Variants in ALG11 observed in about 807,000 individuals in gnomAD.
ALG11 encodes ALG11 alpha-1,2-mannosyltransferase, also known as GDP-Man:Man(3)GlcNAc(2)-PP-Dol alpha-1,2-mannosyltransferase.
Under a neutral mutation model 38.8 loss-of-function variants are expected in ALG11, and 26 were observed. The observed-to-expected ratio is 0.67, with a 90% confidence interval of 0.49 to 0.93. The LOEUF is 0.93. Ranked by LOEUF, ALG11 falls within the 40% of genes least tolerant of loss-of-function variation. The pLI, the probability that ALG11 is intolerant of heterozygous loss-of-function variation, is 0.00. For missense variants in ALG11, 535 were observed against 578.8 expected (o/e 0.92, Z 0.78); for synonymous variants, 199 against 211.6 (o/e 0.94, Z 0.52).
chr13:52,018,675 A>T (rs939450005), intron 1 of ALG11, among the ~76,000 whole-genome samples: 15 of 152,240 alleles, frequency 9.9e-5, no homozygotes, highest in African/African-American at 3.6e-4. Flanking sequence ...TGCTGATTAA[A>T]GTATGTTCAA....
rs746602020 is a variant in ALG11 at position 52,029,019 on chromosome 13, A to C, written c.*429A>C. ...TCTGAGGCTAGTCTGAAAGTGTCAG[A>C]GTTCAGTGTCAGTTCTGAAGGATCA... On this transcript the variant is annotated 3_prime_UTR_variant, in exon 4 of 4. Coordinates refer to ENST00000521508, the MANE Select transcript of ALG11 (RefSeq NM_001004127.3). 1 of 1,614,266 alleles carries C rather than the reference A, an allele frequency of 6.2e-7. No homozygotes were observed. The highest frequency in any genetic ancestry group is 8.5e-7 in the Non-Finnish European group (1 of 1,180,050).
chr13:52,016,810 G>A (rs568089391), intron 1 of ALG11: 1 of 152,380 alleles, frequency 6.6e-6, no homozygotes, highest in African/African-American at 2.4e-5. Context: ...GAAATGTGGG[G>A]TTGGAGCCCC....
chr13:52,029,382 A>G lies in ALG11; in HGVS notation c.*792A>G, dbSNP rs765920315. On this transcript the variant is annotated 3_prime_UTR_variant, in exon 4 of 4. Coordinates refer to ENST00000521508, the MANE Select transcript of ALG11 (RefSeq NM_001004127.3). ...CAGGAAATTTTTAACCTCCTCCATA[A>G]GAACAAGCAGCCAGTGACAGATCCT... 3.1e-6 allele frequency: 5 copies of G among 1,614,038 alleles called. No individual in the cohort carries two copies. In the Admixed American group the frequency reaches 5.0e-5, roughly 16 times the overall value.
At chr13:52,026,426 C>A (rs188284485) in intron 3 of ALG11, among the ~76,000 whole-genome samples, 1 of 152,306 alleles carries the variant, frequency 6.6e-6, no homozygotes, top group Admixed American at 6.5e-5. Context: ...CCAGTCCATT[C>A]TGGCCACATG....
chr13:52,028,175 A>G (rs1954259872), intron 3 of ALG11, 144 bp from the exon 4 acceptor site: 2 of 900,778 alleles, frequency 2.2e-6, no homozygotes, highest in Non-Finnish European at 1.7e-6. Flanking sequence ...GTACTGTAGA[A>G]GTTGAATAAG....
chr13:52,028,336 G>T lies in ALG11; in HGVS notation c.1225G>T (p.Ala409Ser), dbSNP rs1190912997. 6.2e-7 allele frequency: 1 copy of T among 1,613,988 alleles called. No homozygotes were observed. The highest frequency in any genetic ancestry group is 8.5e-7 in the Non-Finnish European group (1 of 1,180,026). The change falls in exon 4 of 4, where the codon GCA becomes TCA. Residue 409 changes from alanine (A) to serine (S), a missense_variant. Transcript: ENST00000521508. ...TTTCTCAGGAGTTGTGGAGTGTATG[G>T]CAGCTGGCACAATTATCCTTGCACA... ...HFGIGVVECM[A>S]AGTIILAHNS...
intron 3 of ALG11, among the ~76,000 whole-genome samples, chr13:52,026,025 G>C (rs1342462066): frequency 6.6e-6 from 1 of 152,220 alleles, no homozygotes; most frequent in Non-Finnish European, 1.5e-5. Flanking sequence ...GGAGCTGCTT[G>C]GCCTGTCAGA....
Position 52,024,274 on chromosome 13 carries a change from C to T in ALG11, c.544C>T (p.Leu182Phe). ...YIDSMGYAFTLPLFKYIGGCQ... is the reference protein window; with the variant it reads ...YIDSMGYAFTFPLFKYIGGCQ... The stretch of plus-strand genomic sequence containing the variant: ...TGATTCAATGGGATACGCTTTTACG[C>T]TTCCTCTGTTTAAGTATATAGGGGG... Residue 182 changes from leucine (L) to phenylalanine (F), a missense_variant, in exon 3 of 4, where the codon CTT becomes TTT. Transcript: ENST00000521508. 6.2e-7 allele frequency: 1 copy of T among 1,614,138 alleles called. No individual in the cohort carries two copies. Among genetic ancestry groups the T allele is most frequent in the Non-Finnish European group, 8.5e-7 (1 of 1,180,036 alleles).
intron 2 of ALG11, chr13:52,022,375 AAAAG>A (rs1289347801): frequency 2.0e-5 from 3 of 152,238 alleles, no homozygotes; most frequent in Non-Finnish European, 4.4e-5. Flanking sequence ...CTGTCTTAAA[AAAAG>A]AAAGAAAAAA....
Position 52,024,359 on chromosome 13 carries a change from T to G in ALG11, c.629T>G (p.Val210Gly). 6.2e-7 allele frequency: 1 copy of G among 1,614,152 alleles called. No homozygotes were observed. Among genetic ancestry groups the G allele is most frequent in the Non-Finnish European group, 8.5e-7 (1 of 1,179,984 alleles). Residue 210 changes from valine to glycine, a missense_variant, in exon 3 of 4, where the codon GTG (valine) becomes GGG (glycine). By Grantham distance (109) the Val-to-Gly change is moderately radical. Coordinates refer to ENST00000521508, the MANE Select transcript of ALG11 (RefSeq NM_001004127.3). Reference sequence around the variant, plus strand: ...ATCAGCACCGACATGCTCTCTGTAGTGAAGAATCAAAATATTGGATTTAAT... The same window carrying G: ...ATCAGCACCGACATGCTCTCTGTAGGGAAGAATCAAAATATTGGATTTAAT... ...PTISTDMLSV[V>G]KNQNIGFNNA... is the part of the protein sequence containing the mutation.
Position 52,024,602 on chromosome 13 carries a change from C to A in ALG11, c.872C>A (p.Pro291His). Residue 291 changes from proline (P) to histidine (H), a missense_variant, in exon 3 of 4, where the codon CCC (proline) becomes CAC (histidine). Coordinates refer to ENST00000521508, the MANE Select transcript of ALG11 (RefSeq NM_001004127.3). Reference protein sequence around the residue: ...PCDVQTFLDIPLHEKKMTPGH... With the variant: ...PCDVQTFLDIHLHEKKMTPGH... ...GATGTGCAGACATTTCTGGACATTC[C>A]CTTACATGAGAAAAAGATGACCCCA... The A allele has an allele frequency of 6.2e-7, 1 of 1,613,874 alleles. No homozygotes were observed. Among genetic ancestry groups the A allele is most frequent in the Non-Finnish European group, 8.5e-7 (1 of 1,179,858 alleles).
chr13:52,022,434 CT>C (rs1228731266), intron 2 of ALG11: 1 of 152,190 alleles, frequency 6.6e-6, no homozygotes, highest in Non-Finnish European at 1.5e-5. Flanking sequence ...AGATCACAAT[CT>C]TTTTTCACAT....
rs1444571733 is a variant in ALG11, at chr13:52,032,420, G to A, written c.*3830G>A. On this transcript the variant is annotated 3_prime_UTR_variant, in exon 4 of 4. Coordinates refer to ENST00000521508, the MANE Select transcript of ALG11 (RefSeq NM_001004127.3). ...CTAGCATGGAAAAGTGAATATATGT[G>A]TGAGCAGATATGGCTATAAAGACCT... 6.0e-6 allele frequency: 1 copy of A among 167,050 alleles called. No homozygotes were observed. The highest frequency in any genetic ancestry group is 1.5e-5 in the Non-Finnish European group (1 of 68,126). The allele number at this position is 167,050 out of a possible 1,614,324, so 10.3% of individuals were successfully genotyped here. A position where few individuals can be genotyped will look rare whatever the true frequency, so the allele number is the denominator to read the frequency against.
At position 52,028,334 on chromosome 13, in the gene ALG11, T is replaced by C; in HGVS notation, c.1223T>C (p.Met408Thr). The change falls in exon 4 of 4, where the codon ATG (methionine) becomes ACG (threonine). Residue 408 changes from methionine to threonine, a missense_variant. Physicochemically the swap from Met to Thr is moderately conservative, Grantham distance 81 (BLOSUM62 -1). Coordinates refer to ENST00000521508, the MANE Select transcript of ALG11 (RefSeq NM_001004127.3). Reference protein sequence around the residue: ...EHFGIGVVECMAAGTIILAHN... With the variant: ...EHFGIGVVECTAAGTIILAHN... ...TTTTTCTCAGGAGTTGTGGAGTGTA[T>C]GGCAGCTGGCACAATTATCCTTGCA... 6.2e-7 allele frequency: 1 copy of C among 1,614,178 alleles called. No homozygotes were observed. Among genetic ancestry groups the C allele is most frequent in the Non-Finnish European group, 8.5e-7 (1 of 1,180,028 alleles).
Position 52,029,800 on chromosome 13 carries a change from GAC to G in ALG11, c.*1214_*1215del, listed in dbSNP as rs1481616329. 3 of 1,614,096 alleles carry G rather than the reference GAC, an allele frequency of 1.9e-6. No individual in the cohort carries two copies. Among genetic ancestry groups the G allele is most frequent in the Non-Finnish European group, 2.5e-6 (3 of 1,180,052 alleles). ...AACAGTTGGCCAAGAACAAAGAACT[GAC>G]ACAGAAACTCCAGGTAGCCTCTGAG... On this transcript the variant is annotated 3_prime_UTR_variant, in exon 4 of 4. Transcript: ENST00000521508.
chr13:52,012,540 T>G (rs953887553), intron 1 of ALG11, 78 bp downstream of exon 1: 11 of 1,597,058 alleles, frequency 6.9e-6, no homozygotes, highest in East Asian at 2.2e-5. Context: ...AGCTAAATTT[T>G]GCGGGCAAAT....
intron 1 of ALG11, among the ~76,000 whole-genome samples, chr13:52,013,546 T>G (rs1189117157): frequency 6.6e-6 from 1 of 152,220 alleles, no homozygotes; most frequent in Non-Finnish European, 1.5e-5. Flanking sequence ...TTAAGTTAAA[T>G]GTTTAATAGT....
rs530692596 is a variant in ALG11 at position 52,032,382 on chromosome 13, C to G, written c.*3792C>G. ...AATTGGTATAAATTTAATGCACCTT[C>G]TATCCTGAATAACTAGCATGGAAAA... On this transcript the variant is annotated 3_prime_UTR_variant, in exon 4 of 4. Coordinates refer to ENST00000521508, the MANE Select transcript of ALG11 (RefSeq NM_001004127.3). The G allele has an allele frequency of 3.0e-5, 5 of 167,208 alleles. No homozygotes were observed. In the South Asian group the frequency reaches 1.0e-3, roughly 35 times the overall value. The allele number at this position is 167,208 out of a possible 1,614,324, so 10.4% of individuals were successfully genotyped here.
rs180861482 is a variant in ALG11, at chr13:52,018,129, C to T, written c.45-784C>T. ...TGAAGACGTAATAAACTTTTGCATC[C>T]GTCATATATTCATTGGATGCCTTCT... is the stretch of plus-strand genomic sequence containing the variant. On this transcript the variant is annotated intron_variant, in intron 1 of 3. Coordinates refer to ENST00000521508, the MANE Select transcript of ALG11 (RefSeq NM_001004127.3). Among the ~76,000 whole-genome samples, 736 of 152,154 alleles carry T rather than the reference C, an allele frequency of 4.8e-3. 10 individuals carry two copies. The highest frequency in any genetic ancestry group is 6.2e-3 in the Admixed American group (95 of 15,286).
Sources: allele counts gnomAD v4.1 joint callset (sites outside exome capture counted in the v4.1 genomes callset), GRCh38; gene constraint gnomAD v4.1.1; transcripts MANE v1.5; gene names NCBI Gene and HGNC (gene_info 2026-07-23, HGNC 2026-07-21).